COL26A1: variants seen among roughly 807,000 people sequenced by gnomAD.
COL26A1 encodes the protein collagen type XXVI alpha 1 chain.
A neutral mutation model predicts 59.3 loss-of-function variants in COL26A1; 41 were observed. The observed-to-expected ratio is 0.69, with a 90% CI of 0.54 to 0.90. COL26A1 has a LOEUF of 0.90. Ranked by LOEUF, COL26A1 falls within the 40% of genes least tolerant of loss-of-function variation. The pLI is 0.00. For synonymous variants in COL26A1, 266 were observed against 256.0 expected, an observed-to-expected ratio of 1.04 and a Z score of -0.37; for missense variants, 612 against 602.3, an observed-to-expected ratio of 1.02 and a Z score of -0.17.
intron 3 of COL26A1, among the ~76,000 whole-genome samples, chr7:101,502,636 CAG>C (rs139248440): frequency 0.17 from 26,395 of 152,158 alleles, 4,897 homozygotes; most frequent in African/African-American, 0.46. Flanking sequence ...GCCCCACTGT[CAG>C]GGGGGACCCA....
At chr7:101,368,720 C>T (rs970611187) in intron 1 of COL26A1, among the ~76,000 whole-genome samples, 10 of 152,244 alleles carry the variant, frequency 6.6e-5, no homozygotes, top group African/African-American at 1.2e-4. Context: ...GGATGTGCTT[C>T]GTCCTAACCT....
intron 3 of COL26A1, among the ~76,000 whole-genome samples, chr7:101,457,687 A>G (rs532442780): frequency 2.0e-5 from 3 of 152,196 alleles, no homozygotes; most frequent in Non-Finnish European, 4.4e-5. Flanking sequence ...TCTGACTTCT[A>G]TCATCATAGA....
chr7:101,373,149 G>C (rs113918196), intron 1 of COL26A1, among the ~76,000 whole-genome samples: 23 of 152,304 alleles, frequency 1.5e-4, no homozygotes, highest in African/African-American at 5.5e-4. Context: ...GGCAGAGGAA[G>C]GATAGTGGAA....
intron 1 of COL26A1, among the ~76,000 whole-genome samples, chr7:101,379,103 T>C (rs545521522): frequency 6.6e-6 from 1 of 152,076 alleles, no homozygotes; most frequent in East Asian, 1.9e-4. Context: ...TCATTCCTGC[T>C]CTTCTGGGAG....
intron 2 of COL26A1, among the ~76,000 whole-genome samples, chr7:101,436,606 C>T (rs1374806528): frequency 2.0e-5 from 3 of 152,106 alleles, no homozygotes; most frequent in East Asian, 1.9e-4. Flanking sequence ...GGCAGGACTT[C>T]GTGACGCTTT....
chr7:101,460,713 G>A (rs917023779), intron 3 of COL26A1, among the ~76,000 whole-genome samples: 2 of 151,948 alleles, frequency 1.3e-5, no homozygotes, highest in East Asian at 1.9e-4. Context: ...CCCGGGAGGC[G>A]GAGGTTCCAA....
rs1181700468 is a variant in COL26A1 at position 101,401,528 on chromosome 7, GAGA to G, written c.159-18446_159-18444del. On this transcript the variant is annotated intron_variant, in intron 1 of 12. Coordinates refer to ENST00000313669, the MANE Select transcript of COL26A1 (RefSeq NM_001278563.3). ...AGAGGAGGGGGAGCAGGAGGACAAA[GAGA>G]AGGAGGAGGAAGAGGAAGAGTAGGA... 5.2e-3 allele frequency among the ~76,000 whole-genome samples: 370 copies of G among 71,018 alleles called. 2 individuals are homozygous for G. Among genetic ancestry groups the G allele is most frequent in the Middle Eastern group, 0.014 (2 of 144 alleles). 46.6% of individuals were successfully genotyped at this position (71,018 alleles called of 152,430 possible). A position where few individuals can be genotyped will look rare whatever the true frequency, so the allele number is the denominator to read the frequency against.
In COL26A1 at chr7:101,385,896, G is replaced by A. The variant is rs537862744; in HGVS notation, c.158+22706G>A. ...ATTTTTTGTATTTTTAGTAGAGACCGGATGTTAGTTAGCTAGTAGTTAGCT... is the reference window on the plus strand; with the variant it reads ...ATTTTTTGTATTTTTAGTAGAGACCAGATGTTAGTTAGCTAGTAGTTAGCT... On this transcript the variant is annotated intron_variant, in intron 1 of 12. Transcript: ENST00000313669. Among the ~76,000 whole-genome samples, 6 of 151,402 alleles carry A rather than the reference G, an allele frequency of 4.0e-5. No homozygotes were observed. In the South Asian group the frequency reaches 8.4e-4, roughly 21 times the overall value.
intron 9 of COL26A1, 44 bp from the exon 10 acceptor site, chr7:101,551,064 G>A (rs1255244607): frequency 1.3e-6 from 2 of 1,550,746 alleles, no homozygotes; most frequent in Admixed American, 3.9e-5. Context: ...TGGAGACTTG[G>A]CCAGGACCGG....
intron 3 of COL26A1, among the ~76,000 whole-genome samples, chr7:101,485,001 G>A (rs942065374): frequency 2.6e-5 from 4 of 152,046 alleles, no homozygotes; most frequent in Non-Finnish European, 5.9e-5. Flanking sequence ...ACAGGCATGC[G>A]CCACCAAGCC....
rs187087891 is a variant in COL26A1, at chr7:101,383,688, C to T, written c.158+20498C>T. 5.7e-3 allele frequency among the ~76,000 whole-genome samples: 869 copies of T among 152,316 alleles called. 3 individuals carry two copies. The highest frequency in any genetic ancestry group is 9.0e-3 in the Non-Finnish European group (611 of 68,036). ...TAGCTGGGATTATAGGCATGTGCCA[C>T]CGTGCCCAGCTACTTTTTGTATTTT... On this transcript the variant is annotated intron_variant, in intron 1 of 12. Transcript: ENST00000313669.
At chr7:101,496,741 C>G (rs1794594802) in intron 3 of COL26A1, among the ~76,000 whole-genome samples, 1 of 151,982 alleles carries the variant, frequency 6.6e-6, no homozygotes. Flanking sequence ...CAAAAAATTC[C>G]CAGGCGTGAT....
intron 3 of COL26A1, among the ~76,000 whole-genome samples, chr7:101,515,555 A>G (rs1319157354): frequency 6.7e-6 from 1 of 149,710 alleles, no homozygotes; most frequent in Non-Finnish European, 1.5e-5. Flanking sequence ...AAGTGCTGGG[A>G]TTACAGGCAT....
intron 2 of COL26A1, among the ~76,000 whole-genome samples, chr7:101,439,965 C>A (rs1033472448): frequency 1.3e-5 from 2 of 152,060 alleles, no homozygotes; most frequent in Admixed American, 6.6e-5. Context: ...CCTCTTGGAG[C>A]CTGGTGTCCT....
intron 1 of COL26A1, among the ~76,000 whole-genome samples, chr7:101,414,676 ATC>A (rs1162135981): frequency 5.9e-5 from 9 of 152,130 alleles, no homozygotes; most frequent in Non-Finnish European, 1.0e-4. Context: ...ACCTCATGTG[ATC>A]CGCCCATCTC....
chr7:101,442,437 C>G (rs959903136), intron 2 of COL26A1, among the ~76,000 whole-genome samples: 4 of 152,080 alleles, frequency 2.6e-5, no homozygotes, highest in African/African-American at 9.7e-5. Flanking sequence ...AGGAATTCCC[C>G]TGCTGCAGCA....
At chr7:101,464,443 G>T (rs1012041191) in intron 3 of COL26A1, among the ~76,000 whole-genome samples, 1 of 150,928 alleles carries the variant, frequency 6.6e-6, no homozygotes, top group Admixed American at 6.6e-5. Context: ...ATGGAGTTTT[G>T]CTCTTGTTGC....
intron 8 of COL26A1, among the ~76,000 whole-genome samples, 173 bp from the exon 9 acceptor site, chr7:101,548,998 C>T (rs1199914950): frequency 6.6e-6 from 1 of 152,174 alleles, no homozygotes; most frequent in Non-Finnish European, 1.5e-5. Flanking sequence ...GGACCCTGGG[C>T]TCCGAGGATG....
chr7:101,535,704 C>A (rs1481929172), intron 4 of COL26A1, among the ~76,000 whole-genome samples: 2 of 152,170 alleles, frequency 1.3e-5, no homozygotes, highest in Non-Finnish European at 2.9e-5. Context: ...AGATTCCCAC[C>A]CTTCCTCCAC....
Sources: allele counts gnomAD v4.1 joint callset (sites outside exome capture counted in the v4.1 genomes callset), GRCh38; gene constraint gnomAD v4.1.1; transcripts MANE v1.5; gene names NCBI Gene and HGNC (gene_info 2026-07-23, HGNC 2026-07-21).